CSMD1: variants seen among roughly 807,000 people sequenced by gnomAD.
The protein encoded by CSMD1 is CUB and Sushi multiple domains 1.
A neutral mutation model predicts 417.5 loss-of-function variants in CSMD1; 213 were observed. The ratio of observed to expected loss-of-function variants is 0.51; its 90% CI spans 0.46 to 0.57. CSMD1 has a LOEUF of 0.57. Among genes scored for constraint, CSMD1 ranks in the 20% least tolerant of loss-of-function variants. The pLI, the probability that CSMD1 is intolerant of heterozygous loss-of-function variation, is 0.00. For synonymous variants in CSMD1, 2,862 were observed against 1,736.8 expected, an observed-to-expected ratio of 1.65 and a Z score of -16.11; for missense variants, 6,923 against 4,529.7, an observed-to-expected ratio of 1.53 and a Z score of -15.17.
intron 2 of CSMD1, among the ~76,000 whole-genome samples, chr8:4,620,803 C>T (rs557008303): frequency 6.6e-6 from 1 of 151,184 alleles, no homozygotes. Flanking sequence ...AAGAGAGAGC[C>T]AAATTAGTGA....
chr8:3,706,924 C>G (rs1250802454), intron 7 of CSMD1, among the ~76,000 whole-genome samples: 1 of 152,108 alleles, frequency 6.6e-6, no homozygotes, highest in East Asian at 1.9e-4. Context: ...CTTTTCCAAT[C>G]TAATTTCATT....
At chr8:3,315,790 T>G (rs143455644) in intron 23 of CSMD1, among the ~76,000 whole-genome samples, 6 of 152,310 alleles carry the variant, frequency 3.9e-5, no homozygotes, top group African/African-American at 1.4e-4. Context: ...TGGAACTGTC[T>G]TATTTTTTAT....
At chr8:3,804,872 T>C (rs1800642013) in intron 5 of CSMD1, among the ~76,000 whole-genome samples, 1 of 152,158 alleles carries the variant, frequency 6.6e-6, no homozygotes, top group Non-Finnish European at 1.5e-5. Context: ...TACATGATTA[T>C]AAAAAAGTAG....
intron 3 of CSMD1, among the ~76,000 whole-genome samples, chr8:4,055,081 A>C (rs747797231): frequency 2.0e-5 from 3 of 152,216 alleles, no homozygotes; most frequent in Non-Finnish European, 4.4e-5. Flanking sequence ...AATACTCATG[A>C]GATTATTAGT....
chr8:3,067,971 A>G (rs1813055596), intron 49 of CSMD1, among the ~76,000 whole-genome samples: 1 of 152,160 alleles, frequency 6.6e-6, no homozygotes, highest in Non-Finnish European at 1.5e-5. Flanking sequence ...TCCAGCTCTG[A>G]AGTGTGTGTT....
At chr8:3,980,923 C>T (rs1396936934) in intron 5 of CSMD1, among the ~76,000 whole-genome samples, 2 of 152,172 alleles carry the variant, frequency 1.3e-5, no homozygotes, top group Admixed American at 6.5e-5. Context: ...TGTTCTAAAA[C>T]ATCCCGCCGT....
intron 2 of CSMD1, among the ~76,000 whole-genome samples, chr8:4,471,410 G>T (rs911686083): frequency 6.6e-6 from 1 of 151,986 alleles, no homozygotes; most frequent in Non-Finnish European, 1.5e-5. Flanking sequence ...TCCTATACAG[G>T]TAGATTACCC....
At chr8:4,251,835 G>A (rs1479769600) in intron 3 of CSMD1, among the ~76,000 whole-genome samples, 2 of 150,304 alleles carry the variant, frequency 1.3e-5, no homozygotes, top group Non-Finnish European at 3.0e-5. Flanking sequence ...AGATGGAAGA[G>A]GAGAGATGCA....
intron 8 of CSMD1, among the ~76,000 whole-genome samples, chr8:3,615,761 G>A (rs892094204): frequency 1.3e-5 from 2 of 151,798 alleles, no homozygotes; most frequent in African/African-American, 4.8e-5. Flanking sequence ...CCTTTTTTTG[G>A]ATTTTTTTCA....
chr8:4,411,989 G>GGTGTGTGTGTGTGTGTGT (rs60793651), intron 3 of CSMD1, among the ~76,000 whole-genome samples: 2 of 148,942 alleles, frequency 1.3e-5, no homozygotes, highest in Non-Finnish European at 1.5e-5. Context: ...CATAGCTAAG[G>GGTGTGTGTGTGTGTGTGT]GTGTGTGTGT....
intron 5 of CSMD1, among the ~76,000 whole-genome samples, chr8:3,899,637 T>C (rs761570126): frequency 3.3e-5 from 5 of 152,218 alleles, no homozygotes; most frequent in Non-Finnish European, 4.4e-5. Flanking sequence ...GAAAAGGTTT[T>C]GGAGGCTGAG....
intron 5 of CSMD1, among the ~76,000 whole-genome samples, chr8:3,934,842 G>C (rs564904808): frequency 1.3e-5 from 2 of 152,072 alleles, no homozygotes; most frequent in African/African-American, 2.4e-5. Context: ...GCAAGACTCT[G>C]TCTCAATAAA....
At chr8:3,214,191 A>G (rs2116815823) in intron 30 of CSMD1, among the ~76,000 whole-genome samples, 1 of 152,230 alleles carries the variant, frequency 6.6e-6, no homozygotes, top group Admixed American at 6.5e-5. Flanking sequence ...AGAAGTAACT[A>G]GAGAAGGCTA....
At chr8:4,898,655 T>C (rs1459702085) in intron 1 of CSMD1, among the ~76,000 whole-genome samples, 3 of 152,092 alleles carry the variant, frequency 2.0e-5, no homozygotes, top group African/African-American at 4.8e-5. Context: ...TTTATGAAAA[T>C]TGTCAAATTA....
At chr8:4,973,376 G>A (rs1217975646) in intron 1 of CSMD1, among the ~76,000 whole-genome samples, 2 of 152,094 alleles carry the variant, frequency 1.3e-5, no homozygotes, top group African/African-American at 2.4e-5. Flanking sequence ...TGATTTTTGT[G>A]AAATTTACTT....
At position 4,486,142 on chromosome 8, in the gene CSMD1, CATAT is replaced by C. The variant is rs34170550; in HGVS notation, c.303-66081_303-66078del. On this transcript the variant is annotated intron_variant, in intron 2 of 69. Transcript: ENST00000635120. Reference sequence around the variant, plus strand: ...ACATACATATATATATATATACATACATATATATATATATACATACATATATATA... The same window carrying C: ...ACATACATATATATATATATACATACATATATATATACATACATATATATA... Among the ~76,000 whole-genome samples the C allele has an allele frequency of 3.4e-3, 115 of 33,468 alleles. 1 individual carries two copies. The highest frequency in any genetic ancestry group is 0.02 in the Middle Eastern group (1 of 50). 22.0% of individuals were successfully genotyped at this position (33,468 alleles called of 152,430 possible).
chr8:4,208,116 A>T (rs1456980257), intron 3 of CSMD1, among the ~76,000 whole-genome samples: 1 of 152,124 alleles, frequency 6.6e-6, no homozygotes, highest in Non-Finnish European at 1.5e-5. Flanking sequence ...GCAATTTCAT[A>T]CACATGATGA....
At chr8:3,761,994 C>G (rs1215683096) in intron 5 of CSMD1, among the ~76,000 whole-genome samples, 2 of 152,100 alleles carry the variant, frequency 1.3e-5, no homozygotes, top group African/African-American at 4.8e-5. Context: ...TGACATCATC[C>G]ACTCCTGCGA....
At chr8:3,561,599 C>A (rs373454280) in intron 10 of CSMD1, among the ~76,000 whole-genome samples, 2 of 152,128 alleles carry the variant, frequency 1.3e-5, no homozygotes, top group East Asian at 1.9e-4. Context: ...AGGATGGCAA[C>A]AACAGACACT....
Sources: allele counts gnomAD v4.1 joint callset (sites outside exome capture counted in the v4.1 genomes callset), GRCh38; gene constraint gnomAD v4.1.1; transcripts MANE v1.5; gene names NCBI Gene and HGNC (gene_info 2026-07-23, HGNC 2026-07-21).